The following GPM6A variants were observed in gnomAD, a reference collection of about 807,000 sequenced individuals.
GPM6A encodes the protein neuronal membrane glycoprotein M6-a.
GPM6A carries 7 observed loss-of-function variants against 32.1 expected under a neutral mutation model. The ratio of observed to expected loss-of-function variants is 0.22; its 90% CI spans 0.12 to 0.41. The LOEUF (loss-of-function observed/expected upper bound fraction) is 0.41, where lower values mean the gene tolerates loss of function less well. Ranked by LOEUF, GPM6A falls within the 10% of genes least tolerant of loss-of-function variation. The pLI is 1.00. For synonymous variants in GPM6A, 130 were observed against 123.4 expected (o/e 1.05, Z -0.35); for missense variants, 235 against 347.2 (o/e 0.68, Z 2.57).
intron 1 of GPM6A, among the ~76,000 whole-genome samples, chr4:175,854,524 G>A (rs535373382): frequency 1.3e-5 from 2 of 152,240 alleles, no homozygotes; most frequent in East Asian, 3.9e-4. Context: ...TGAAACAATT[G>A]TTTCCAAGAC....
At chr4:175,974,057 A>C (rs150917832) in intron 1 of GPM6A, among the ~76,000 whole-genome samples, 5,355 of 152,004 alleles carry the variant, frequency 0.035, 201 homozygotes, top group African/African-American at 0.1. Context: ...ACACAGTGAA[A>C]CCCCATCTCT....
chr4:175,896,931 G>C (rs954905220), intron 1 of GPM6A, among the ~76,000 whole-genome samples: 1 of 151,374 alleles, frequency 6.6e-6, no homozygotes, highest in African/African-American at 2.4e-5. Context: ...AGTGTATCAG[G>C]GAAAATTATT....
chr4:175,790,894 A>G (rs748120015), intron 1 of GPM6A, among the ~76,000 whole-genome samples: 1 of 152,208 alleles, frequency 6.6e-6, no homozygotes, highest in Non-Finnish European at 1.5e-5. Flanking sequence ...ATTTAAACTA[A>G]TCCTTTAGAT....
At chr4:175,837,819 A>G (rs1735813719) in intron 1 of GPM6A, among the ~76,000 whole-genome samples, 1 of 152,118 alleles carries the variant, frequency 6.6e-6, no homozygotes, top group Admixed American at 6.6e-5. Context: ...TTGTGGCTAG[A>G]TTATAAGCTT....
intron 2 of GPM6A, among the ~76,000 whole-genome samples, chr4:175,677,461 G>T (rs535392523): frequency 3.3e-5 from 5 of 152,174 alleles, no homozygotes; most frequent in Admixed American, 6.5e-5. Flanking sequence ...TCTTGTAGAG[G>T]ATTTGTTTGG....
chr4:175,838,475 T>C (rs1036760789), intron 1 of GPM6A, among the ~76,000 whole-genome samples: 10 of 151,238 alleles, frequency 6.6e-5, no homozygotes, highest in African/African-American at 2.2e-4. Flanking sequence ...CACTAAATGC[T>C]AGTTCCCTGC....
chr4:175,797,355 T>G (rs1163577797), intron 1 of GPM6A, among the ~76,000 whole-genome samples: 4 of 152,192 alleles, frequency 2.6e-5, no homozygotes, highest in Non-Finnish European at 4.4e-5. Flanking sequence ...TTCATAAAAT[T>G]TATTTATTAA....
chr4:175,732,869 A>G lies in GPM6A; in HGVS notation c.38-31102T>C, dbSNP rs544890186. On this transcript the variant is annotated intron_variant, in intron 1 of 6. Coordinates refer to ENST00000393658, the MANE Select transcript of GPM6A (RefSeq NM_201591.3). The stretch of plus-strand genomic sequence containing the variant: ...GAGGAGATTTAACACCTATTAAGCC[A>G]ATTATTAGGCAAGAATTTCTGTGTT... Among the ~76,000 whole-genome samples the G allele has an allele frequency of 1.7e-4, 26 of 152,288 alleles. No homozygotes were observed. The South Asian group carries it at 5.4e-3, about 32-fold the overall frequency.
In GPM6A at chr4:175,724,761, C is replaced by T. The variant is rs528818165; in HGVS notation, c.38-22994G>A. On this transcript the variant is annotated intron_variant, in intron 1 of 6. Transcript: ENST00000393658. Reference sequence around the variant, plus strand: ...GGCCTTGAGAGAAGAGTGCTTTTCTCTAAAACCCGCAGTAGCTTCTCATTT... The same window carrying T: ...GGCCTTGAGAGAAGAGTGCTTTTCTTTAAAACCCGCAGTAGCTTCTCATTT... Among the ~76,000 whole-genome samples the T allele has an allele frequency of 7.2e-5, 11 of 152,240 alleles. No individual in the cohort carries two copies. In the South Asian group the frequency reaches 1.9e-3, roughly 26 times the overall value.
chr4:175,641,325 T>C (rs1156992133), intron 4 of GPM6A: 1 of 155,926 alleles, frequency 6.4e-6, no homozygotes, highest in Non-Finnish European at 1.4e-5. Flanking sequence ...ATTTCGCTTC[T>C]ATTTACCCTT....
At chr4:175,717,826 C>T (rs1745917838) in intron 1 of GPM6A, among the ~76,000 whole-genome samples, 1 of 152,096 alleles carries the variant, frequency 6.6e-6, no homozygotes, top group Admixed American at 6.6e-5. Flanking sequence ...TTGTGGATAT[C>T]ATGGAAAAGC....
intron 1 of GPM6A, among the ~76,000 whole-genome samples, chr4:175,931,611 C>G (rs1294156815): frequency 6.6e-6 from 1 of 151,538 alleles, no homozygotes; most frequent in South Asian, 2.1e-4. Flanking sequence ...AAAATAAAAA[C>G]TTTTCCAGAT....
At chr4:175,686,943 A>G (rs912430029) in intron 2 of GPM6A, among the ~76,000 whole-genome samples, 1 of 152,190 alleles carries the variant, frequency 6.6e-6, no homozygotes, top group African/African-American at 2.4e-5. Flanking sequence ...GCAATTTTAA[A>G]AAGTAAGAAA....
At chr4:175,941,911 G>A (rs1739424956) in intron 1 of GPM6A, among the ~76,000 whole-genome samples, 1 of 152,120 alleles carries the variant, frequency 6.6e-6, no homozygotes, top group African/African-American at 2.4e-5. Context: ...TGGGATTTCT[G>A]GGTCAAAGGT....
At chr4:175,755,671 C>G (rs1392980124) in intron 1 of GPM6A, among the ~76,000 whole-genome samples, 1 of 152,144 alleles carries the variant, frequency 6.6e-6, no homozygotes, top group Non-Finnish European at 1.5e-5. Context: ...GTTGGTAGTA[C>G]TTACTTCTCT....
chr4:175,796,950 GT>G (rs990782287), intron 1 of GPM6A, among the ~76,000 whole-genome samples: 4 of 149,370 alleles, frequency 2.7e-5, no homozygotes, highest in Non-Finnish European at 4.5e-5. Flanking sequence ...GTCCTGAATT[GT>G]TTTTTTTTCT....
In GPM6A at chr4:175,889,428, G is replaced by A. The variant is rs1017339703; in HGVS notation, c.-22-77179C>T. On this transcript the variant is annotated intron_variant, in intron 1 of 7. Coordinates refer to the GPM6A transcript ENST00000280187. ...TAGTCCCACATACTCTGGAGGCTAC[G>A]GCAGGAGGATGACTTGAGTTCAGTA... Among the ~76,000 whole-genome samples, 8 of 152,026 alleles carry A rather than the reference G, an allele frequency of 5.3e-5. No individual in the cohort carries two copies. In the South Asian group the frequency reaches 1.0e-3, roughly 20 times the overall value.
chr4:175,931,137 G>T (rs1157268368), intron 1 of GPM6A, among the ~76,000 whole-genome samples: 1 of 152,082 alleles, frequency 6.6e-6, no homozygotes, highest in African/African-American at 2.4e-5. Context: ...GATTGAGATA[G>T]GCACAGTTCT....
In GPM6A at chr4:175,634,035, T is replaced by A. The variant is rs747296453; in HGVS notation, c.*870A>T. On this transcript the variant is annotated 3_prime_UTR_variant, in exon 7 of 7. Coordinates refer to ENST00000393658, the MANE Select transcript of GPM6A (RefSeq NM_201591.3). Reference sequence around the variant, plus strand: ...TCATAAAGGTAATTAATTTTCCACATTAGCATATTAAAAGTTCCAATCCAG... The same window carrying A: ...TCATAAAGGTAATTAATTTTCCACAATAGCATATTAAAAGTTCCAATCCAG... 2.0e-5 allele frequency: 3 copies of A among 152,562 alleles called. No individual in the cohort carries two copies. The highest frequency in any genetic ancestry group is 4.4e-5 in the Non-Finnish European group (3 of 67,980). The allele number at this position is 152,562 out of a possible 1,614,324, so 9.5% of individuals were successfully genotyped here. A position where few individuals can be genotyped will look rare whatever the true frequency, so the allele number is the denominator to read the frequency against.
Sources: gnomAD v4.1 joint callset for allele counts (sites outside exome capture counted in the v4.1 genomes callset) on GRCh38, gnomAD v4.1.1 for gene constraint, MANE v1.5 for transcripts, NCBI Gene and HGNC (gene_info 2026-07-23, HGNC 2026-07-21) for gene names.